Variants in CEP250 observed in about 807,000 individuals in gnomAD.
CEP250 encodes centrosomal protein 250, also known as centrosome-associated protein CEP250.
A neutral mutation model predicts 315.7 loss-of-function variants in CEP250; 242 were observed. The observed-to-expected ratio is 0.77, with a 90% CI of 0.69 to 0.85. The LOEUF (loss-of-function observed/expected upper bound fraction) is 0.85. CEP250 is among the 40% of genes least tolerant of loss of function. The probability of loss-of-function intolerance (pLI) is 0.00; values close to 1 mark genes in which losing one functional copy is unlikely to be tolerated. For missense variants in CEP250, 2,515 were observed against 2,886.4 expected (o/e 0.87, Z 2.95); for synonymous variants, 1,088 against 1,175.0 (o/e 0.93, Z 1.51).
chr20:35,461,293 A>C (rs2062749397), intron 3 of CEP250, among the ~76,000 whole-genome samples: 1 of 152,242 alleles, frequency 6.6e-6, no homozygotes, highest in Non-Finnish European at 1.5e-5. Context: ...TTAGAGGCCT[A>C]AGTAACTCAG....
At chr20:35,480,324 G>A (rs1246610125) in intron 20 of CEP250, among the ~76,000 whole-genome samples, 179 bp downstream of exon 20, 2 of 152,160 alleles carry the variant, frequency 1.3e-5, no homozygotes, top group Non-Finnish European at 1.5e-5. Context: ...CTAGCATGTG[G>A]TGGGCTCCCT....
intron 16 of CEP250, 27 bp downstream of exon 16, chr20:35,476,622 C>T (rs1380333836): frequency 1.2e-6 from 2 of 1,605,498 alleles, no homozygotes; most frequent in Non-Finnish European, 1.7e-6. Context: ...CTGGTCCCCA[C>T]AGAAGGGCTG....
At chr20:35,491,050 T>C (rs965622697) in intron 21 of CEP250, 162 bp from the exon 22 acceptor site, 2 of 897,250 alleles carry the variant, frequency 2.2e-6, no homozygotes, top group African/African-American at 3.4e-5. Flanking sequence ...TGGTAATCTT[T>C]GCACTTCCTT....
At position 35,493,490 on chromosome 20, in the gene CEP250, C is replaced by G; in HGVS notation, c.2951C>G (p.Ala984Gly). The change falls in exon 23 of 35, where the codon GCC (alanine) becomes GGC (glycine). Residue 984 changes from alanine (A) to glycine (G), a missense_variant. By Grantham distance (60) the Ala-to-Gly change is moderately conservative. Transcript: ENST00000397527. The part of the protein sequence containing the change: ...QEAQRELKEA[A>G]RQHRDDLAAL... ...GCTCAACGGGAGCTGAAGGAGGCAG[C>G]CCGGCAGCACAGAGATGACCTTGCT... The G allele has an allele frequency of 6.2e-7, 1 of 1,609,704 alleles. No individual in the cohort carries two copies. The highest frequency in any genetic ancestry group is 8.5e-7 in the Non-Finnish European group (1 of 1,178,142).
At chr20:35,465,435 AAAAAATG>A (rs1261407341) in intron 5 of CEP250, among the ~76,000 whole-genome samples, 9 of 151,300 alleles carry the variant, frequency 5.9e-5, no homozygotes, top group African/African-American at 2.2e-4. Context: ...AAAAAAAAAA[AAAAAATG>A]AAAGAAGTTA....
rs79678946 is a variant in CEP250 at position 35,497,802 on chromosome 20, G to A, written c.3390G>A (p.Ala1130=). ...QEAQLLEELE[A]SHITEQQLRA... ...CACAGCTGCTGGAGGAGCTGGAGGCGTCTCATATCACGGAGCAGCAGCTGC... is the reference window on the plus strand; with the variant it reads ...CACAGCTGCTGGAGGAGCTGGAGGCATCTCATATCACGGAGCAGCAGCTGC... The change falls in exon 26 of 35, where the codon GCG becomes GCA. Residue 1130 remains alanine, a synonymous_variant. Coordinates refer to ENST00000397527, the MANE Select transcript of CEP250 (RefSeq NM_007186.6). 3.6e-5 allele frequency: 57 copies of A among 1,561,824 alleles called. No individual in the cohort carries two copies. Among genetic ancestry groups the A allele is most frequent in the East Asian group, 7.1e-5 (3 of 41,960 alleles).
intron 20 of CEP250, among the ~76,000 whole-genome samples, chr20:35,485,415 C>T: frequency 6.6e-6 from 1 of 151,512 alleles, no homozygotes; most frequent in Admixed American, 6.6e-5. Context: ...TAGCTCATAG[C>T]CAGAGAGCAA....
At position 35,518,074 on chromosome 20, in the gene CEP250, A is replaced by G. The variant is rs2064451064; in HGVS notation, c.*6448A>G. On this transcript the variant is annotated 3_prime_UTR_variant, in exon 35 of 35. Transcript: ENST00000397527. Reference sequence around the variant, plus strand: ...AAAAAAAAAAAAGGAAATTAAATAAAAAGAAGATAGCAGTTTCCCACCTCA... The same window carrying G: ...AAAAAAAAAAAAGGAAATTAAATAAGAAGAAGATAGCAGTTTCCCACCTCA... The G allele has an allele frequency of 6.6e-6, 1 of 150,946 alleles. No homozygotes were observed. Among genetic ancestry groups the G allele is most frequent in the African/African-American group, 2.4e-5 (1 of 40,892 alleles). The allele number at this position is 150,946 out of a possible 1,614,324, so 9.4% of individuals were successfully genotyped here.
At chr20:35,489,337 A>G (rs2063616627) in intron 20 of CEP250, among the ~76,000 whole-genome samples, 1 of 152,240 alleles carries the variant, frequency 6.6e-6, no homozygotes, top group Admixed American at 6.5e-5. Context: ...TGAATAAGCA[A>G]CGACAAACTT....
rs1433542180 is a variant in CEP250 at position 35,516,431 on chromosome 20, TCTAG to T, written c.*4808_*4811del. On this transcript the variant is annotated 3_prime_UTR_variant, in exon 35 of 35. Transcript: ENST00000397527. Reference sequence around the variant, plus strand: ...TTGCTGGCCAGGAGTAGTCTCACATTCTAGCTGACTGATGGCCTCGGCTTCTGCT... The same window carrying T: ...TTGCTGGCCAGGAGTAGTCTCACATTCTGACTGATGGCCTCGGCTTCTGCT... 1.3e-5 allele frequency: 2 copies of T among 152,256 alleles called. No homozygotes were observed. The highest frequency in any genetic ancestry group is 2.4e-5 in the African/African-American group (1 of 41,462). The allele number at this position is 152,256 out of a possible 1,614,324, so 9.4% of individuals were successfully genotyped here.
intron 2 of CEP250, among the ~76,000 whole-genome samples, chr20:35,458,795 A>C (rs1038283434): frequency 4.6e-5 from 7 of 151,996 alleles, no homozygotes; most frequent in African/African-American, 2.4e-5. Flanking sequence ...TGTTTTAATA[A>C]ATTTTAGTTT....
chr20:35,509,161 T>C, intron 33 of CEP250, 117 bp downstream of exon 33: 1 of 781,232 alleles, frequency 1.3e-6, no homozygotes, highest in Admixed American at 2.2e-5. Flanking sequence ...AGAGAGCCCC[T>C]CCTGACTGCA....
At chr20:35,499,296 T>TG (rs2063935103) in intron 27 of CEP250, among the ~76,000 whole-genome samples, 2 of 152,166 alleles carry the variant, frequency 1.3e-5, no homozygotes, top group South Asian at 4.1e-4. Context: ...AAAAAAACCC[T>TG]GGGCAGATGT....
intron 22 of CEP250, among the ~76,000 whole-genome samples, chr20:35,492,213 G>C (rs989496764): frequency 1.3e-5 from 2 of 152,054 alleles, no homozygotes; most frequent in Admixed American, 6.6e-5. Flanking sequence ...GAAAACATCA[G>C]GTTAAGTGGA....
chr20:35,473,580 C>T, intron 13 of CEP250, 28 bp downstream of exon 13: 1 of 1,576,972 alleles, frequency 6.3e-7, no homozygotes, highest in Non-Finnish European at 8.6e-7. Flanking sequence ...TCATCCCACC[C>T]TCCCAGCCTG....
chr20:35,487,129 C>T (rs186098377), intron 20 of CEP250, among the ~76,000 whole-genome samples: 103 of 152,214 alleles, frequency 6.8e-4, no homozygotes, highest in Admixed American at 1.4e-3. Flanking sequence ...ACAGCCTGTT[C>T]GTTTTAGCAG....
chr20:35,458,032 T>C (rs1430781042), intron 1 of CEP250, among the ~76,000 whole-genome samples: 1 of 152,204 alleles, frequency 6.6e-6, no homozygotes, highest in Non-Finnish European at 1.5e-5. Flanking sequence ...AAACAAATTA[T>C]GTCTGTACAC....
In CEP250 at chr20:35,462,574, G is replaced by T. The variant is rs777571403; in HGVS notation, c.186+21G>T. The T allele has an allele frequency of 1.5e-5, 24 of 1,570,606 alleles. No individual in the cohort carries two copies. The African/African-American group carries it at 2.6e-4, about 17-fold the overall frequency. On this transcript the variant is annotated intron_variant, in intron 4 of 34. Coordinates refer to ENST00000397527, the MANE Select transcript of CEP250 (RefSeq NM_007186.6). ...CCAAGGTGAGGCAGCTGCCCTTTTG[G>T]GGAGGGGAAAGAGAACAACCCCCAG... is the stretch of plus-strand genomic sequence containing the variant.
At position 35,516,995 on chromosome 20, in the gene CEP250, G is replaced by T; in HGVS notation, c.*5369G>T. 1 of 985,532 alleles carries T rather than the reference G, an allele frequency of 1.0e-6. No individual in the cohort carries two copies. The highest frequency in any genetic ancestry group is 4.7e-5 in the South Asian group (1 of 21,294). 61.0% of individuals were successfully genotyped at this position (985,532 alleles called of 1,614,324 possible). ...CTTGTCCCACAGGGCAGAGCACATG[G>T]CAAGTGGCATGCTGACTCAGACACC... On this transcript the variant is annotated 3_prime_UTR_variant, in exon 35 of 35. Transcript: ENST00000397527.
Sources: gnomAD v4.1 joint callset for allele counts (sites outside exome capture counted in the v4.1 genomes callset) on GRCh38, gnomAD v4.1.1 for gene constraint, MANE v1.5 for transcripts, NCBI Gene and HGNC (gene_info 2026-07-23, HGNC 2026-07-21) for gene names.